The following ZRANB1 variants were observed in gnomAD, a reference collection of about 807,000 sequenced individuals.
The protein encoded by ZRANB1 is zinc finger RANBP2-type containing 1.
A neutral mutation model predicts 80.5 loss-of-function variants in ZRANB1; 16 were observed. The observed-to-expected ratio is 0.20, with a 90% confidence interval of 0.13 to 0.30. ZRANB1 has a LOEUF of 0.30. Among genes scored for constraint, ZRANB1 ranks in the 10% least tolerant of loss-of-function variants. The probability of loss-of-function intolerance (pLI) is 1.00; values close to 1 mark genes in which losing one functional copy is unlikely to be tolerated. For synonymous variants in ZRANB1, 291 were observed against 293.1 expected (o/e 0.99, Z 0.07); for missense variants, 576 against 862.6 (o/e 0.67, Z 4.16).
chr10:124,938,469 G>A (rs111228536), upstream of ZRANB1, among the ~76,000 whole-genome samples: 4,027 of 152,092 alleles, frequency 0.026, 158 homozygotes, highest in African/African-American at 0.091. Context: ...TGGGACTACA[G>A]GCATGTGCCA....
At chr10:124,984,426 T>G in intron 8 of ZRANB1, 1 of 209,208 alleles carries the variant, frequency 4.8e-6, no homozygotes, top group Non-Finnish European at 9.4e-6. Context: ...TAATTTCAGC[T>G]TGTACATAAT....
At chr10:124,928,100 A>G in the ZRANB1 span, among the ~76,000 whole-genome samples, 1 of 152,290 alleles carries the variant, frequency 6.6e-6, no homozygotes, top group Admixed American at 6.5e-5. Context: ...GTTGGTCAGG[A>G]TGGGCTTTAC....
At chr10:124,958,217 C>A (rs374103866) in intron 1 of ZRANB1, among the ~76,000 whole-genome samples, 5 of 152,136 alleles carry the variant, frequency 3.3e-5, no homozygotes, top group Non-Finnish European at 5.9e-5. Flanking sequence ...AGACAACTTG[C>A]GACTAGCATG....
the ZRANB1 span, among the ~76,000 whole-genome samples, chr10:124,930,038 C>G: frequency 6.6e-6 from 1 of 151,384 alleles, no homozygotes; most frequent in Non-Finnish European, 1.5e-5. Flanking sequence ...AAGCTCCGTA[C>G]AAAACTTAAG....
intron 5 of ZRANB1, among the ~76,000 whole-genome samples, chr10:124,974,812 C>T (rs1012961363): frequency 1.3e-5 from 2 of 152,114 alleles, no homozygotes; most frequent in African/African-American, 2.4e-5. Flanking sequence ...ATTGATCCAT[C>T]GATGGAAGCA....
At chr10:124,950,186 G>A (rs533545343) in intron 1 of ZRANB1, among the ~76,000 whole-genome samples, 1 of 152,296 alleles carries the variant, frequency 6.6e-6, no homozygotes, top group Non-Finnish European at 1.5e-5. Flanking sequence ...GCAGTGGTGT[G>A]TGATCTTGGC....
chr10:124,982,129 C>T (rs74717235), intron 6 of ZRANB1, among the ~76,000 whole-genome samples: 2,431 of 152,242 alleles, frequency 0.016, 50 homozygotes, highest in Admixed American at 0.06. Context: ...TGTGCTATGA[C>T]GGTTACATAC....
intron 2 of ZRANB1, among the ~76,000 whole-genome samples, chr10:124,969,315 T>A (rs192811746): frequency 4.6e-5 from 7 of 152,312 alleles, no homozygotes; most frequent in Non-Finnish European, 1.0e-4. Context: ...AGGGGATTTG[T>A]TCCAGGCAAA....
At chr10:124,917,833 T>G in the ZRANB1 span, among the ~76,000 whole-genome samples, 1 of 152,208 alleles carries the variant, frequency 6.6e-6, no homozygotes, top group African/African-American at 2.4e-5. Flanking sequence ...CTACCCCTCC[T>G]GCTCGCAGTA....
At chr10:124,964,709 T>G (rs776124078) in intron 1 of ZRANB1, among the ~76,000 whole-genome samples, 12 of 152,154 alleles carry the variant, frequency 7.9e-5, no homozygotes, top group Non-Finnish European at 1.6e-4. Context: ...ACGAAAAAAT[T>G]TGTAAGTAGA....
intron 1 of ZRANB1, among the ~76,000 whole-genome samples, chr10:124,948,758 G>A (rs1157074901): frequency 1.3e-5 from 2 of 152,008 alleles, no homozygotes; most frequent in Non-Finnish European, 1.5e-5. Flanking sequence ...TAGAATTTAA[G>A]CTTCCTGAGG....
intron 5 of ZRANB1, among the ~76,000 whole-genome samples, chr10:124,979,121 A>G (rs1387087880): frequency 6.6e-6 from 1 of 152,204 alleles, no homozygotes; most frequent in Non-Finnish European, 1.5e-5. Context: ...GTTGTTGAGA[A>G]TTTGAAGAAA....
intron 1 of ZRANB1, among the ~76,000 whole-genome samples, chr10:124,961,589 CAA>C (rs1269380150): frequency 6.6e-6 from 1 of 152,158 alleles, no homozygotes; most frequent in Non-Finnish European, 1.5e-5. Flanking sequence ...TATATTTTCA[CAA>C]GAGTGGGTTG....
upstream of ZRANB1, among the ~76,000 whole-genome samples, chr10:124,937,640 T>C (rs776281899): frequency 2.0e-5 from 3 of 152,226 alleles, no homozygotes; most frequent in Non-Finnish European, 4.4e-5. Flanking sequence ...CATGACAGTA[T>C]AAAAAATGTT....
chr10:124,955,299 A>C (rs1287657499), intron 1 of ZRANB1, among the ~76,000 whole-genome samples: 1 of 151,484 alleles, frequency 6.6e-6, no homozygotes, highest in Non-Finnish European at 1.5e-5. Context: ...GCAGTGGTAT[A>C]ATCTCGGCTC....
chr10:124,937,382 C>T (rs746549286), upstream of ZRANB1, among the ~76,000 whole-genome samples: 3 of 151,758 alleles, frequency 2.0e-5, no homozygotes, highest in African/African-American at 4.8e-5. Flanking sequence ...GACGGGGTTT[C>T]GCCATGTTGA....
chr10:124,965,940 G>A (rs1005428967), intron 1 of ZRANB1, among the ~76,000 whole-genome samples: 1 of 152,124 alleles, frequency 6.6e-6, no homozygotes, highest in Non-Finnish European at 1.5e-5. Flanking sequence ...TAACTGGATT[G>A]TAATGTTTTA....
Position 124,951,723 on chromosome 10 carries a change from G to A in ZRANB1, c.814+8416G>A, listed in dbSNP as rs948271772. On this transcript the variant is annotated intron_variant, in intron 1 of 8. Transcript: ENST00000359653. ...TGTAATCCCAGCACTTTGGGAGAGC[G>A]GGGCGGTCGGATCACTTGAGGTCAG... 4.7e-4 allele frequency among the ~76,000 whole-genome samples: 71 copies of A among 152,100 alleles called. 1 individual carries two copies. The highest frequency in any genetic ancestry group is 7.2e-4 in the Admixed American group (11 of 15,262).
intron 5 of ZRANB1, among the ~76,000 whole-genome samples, chr10:124,974,695 A>G (rs1315535091): frequency 6.6e-6 from 1 of 152,262 alleles, no homozygotes; most frequent in Non-Finnish European, 1.5e-5. Context: ...AGACACAGGC[A>G]GTATATTTGA....
Sources: gnomAD v4.1 joint callset for allele counts (sites outside exome capture counted in the v4.1 genomes callset) on GRCh38, gnomAD v4.1.1 for gene constraint, MANE v1.5 for transcripts, NCBI Gene and HGNC (gene_info 2026-07-23, HGNC 2026-07-21) for gene names.